The following C1QTNF5 variants were observed in gnomAD, a reference collection of about 807,000 sequenced individuals.
The protein encoded by C1QTNF5 is C1q and TNF related 5.
In C1QTNF5, 5 loss-of-function variants were observed where a neutral mutation model predicts 10.9. The ratio of observed to expected loss-of-function variants is 0.46; its 90% confidence interval spans 0.24 to 0.97. C1QTNF5 has a LOEUF of 0.97. C1QTNF5 is among the 50% of genes least tolerant of loss of function. The pLI is 0.19. For missense variants in C1QTNF5, 281 were observed against 339.4 expected, an observed-to-expected ratio of 0.83 and a Z score of 1.35; for synonymous variants, 161 against 156.5, an observed-to-expected ratio of 1.03 and a Z score of -0.22.
chr11:119,341,590 C>T, upstream of C1QTNF5: 2 of 1,612,904 alleles, frequency 1.2e-6, no homozygotes, highest in Non-Finnish European at 1.7e-6. Context: ...CCTCTGGCAG[C>T]CTGTTGCAGT....
upstream of C1QTNF5, among the ~76,000 whole-genome samples, chr11:119,343,219 T>C (rs535532278): frequency 1.1e-4 from 16 of 152,264 alleles, no homozygotes; most frequent in East Asian, 2.9e-3. Context: ...TGGGGAAAAA[T>C]CAGCGAAGCA....
chr11:119,340,148 A>G (rs1292969310), intron 2 of C1QTNF5, 36 bp downstream of exon 2: 3 of 1,503,410 alleles, frequency 2.0e-6, no homozygotes, highest in African/African-American at 1.5e-5. Context: ...GCCTGCTCGG[A>G]CATCGCCACC....
At chr11:119,344,538 G>A (rs1188050215), upstream of C1QTNF5, 139 of 1,602,636 alleles carry the variant, frequency 8.7e-5, no homozygotes, top group Non-Finnish European at 4.8e-5. Context: ...AAATGCTGAC[G>A]GAGGGCCCGG....
At chr11:119,341,776 C>T (rs372014001), upstream of C1QTNF5, 23 of 1,613,052 alleles carry the variant, frequency 1.4e-5, no homozygotes, top group East Asian at 2.0e-4. Context: ...TCAGGCTCTG[C>T]GGAGGGAGAG....
chr11:119,344,444 A>G, upstream of C1QTNF5: 2 of 1,577,588 alleles, frequency 1.3e-6, no homozygotes, highest in Non-Finnish European at 1.7e-6. Context: ...GCCTCCATCC[A>G]ATAGGGCTGG....
At chr11:119,346,347 G>A in the C1QTNF5 span, 1 of 1,614,064 alleles carries the variant, frequency 6.2e-7, no homozygotes. Flanking sequence ...CCAGACTCAG[G>A]CTCGAAGGCA....
upstream of C1QTNF5, chr11:119,343,727 G>A: frequency 1.3e-6 from 2 of 1,528,256 alleles, no homozygotes; most frequent in Non-Finnish European, 9.0e-7. Context: ...AATGAAGCTG[G>A]AGAATGGAAT....
At chr11:119,341,491 C>T, upstream of C1QTNF5, 1 of 1,453,178 alleles carries the variant, frequency 6.9e-7, no homozygotes, top group South Asian at 1.2e-5. Flanking sequence ...CCCCTGCGTG[C>T]CAGCCCTGAC....
upstream of C1QTNF5, chr11:119,341,933 T>G (rs769190278): frequency 1.9e-6 from 3 of 1,613,884 alleles, no homozygotes; most frequent in Non-Finnish European, 2.5e-6. Context: ...GGCTGTGGTG[T>G]TGTAGCTCAG....
chr11:119,345,441 T>C, upstream of C1QTNF5: 1 of 1,613,930 alleles, frequency 6.2e-7, no homozygotes, highest in Non-Finnish European at 8.5e-7. Context: ...GCCTTCAGGC[T>C]CAGGGGAGAG....
upstream of C1QTNF5, chr11:119,344,635 A>C: frequency 1.2e-6 from 2 of 1,614,048 alleles, no homozygotes; most frequent in Non-Finnish European, 8.5e-7. Context: ...CCCGTACCCG[A>C]GAACTTGGCA....
chr11:119,342,583 G>T, upstream of C1QTNF5: 1 of 1,612,812 alleles, frequency 6.2e-7, no homozygotes, highest in South Asian at 1.1e-5. Context: ...GTCCCCAGGG[G>T]CAGGCTTCTC....
At chr11:119,346,166 G>A in the C1QTNF5 span, 2 of 1,582,890 alleles carry the variant, frequency 1.3e-6, no homozygotes, top group African/African-American at 1.3e-5. Flanking sequence ...CGACCTGCGG[G>A]TTGGCAGGTG....
At chr11:119,344,988 G>A (rs1231533574), upstream of C1QTNF5, 9 of 1,606,002 alleles carry the variant, frequency 5.6e-6, no homozygotes, top group South Asian at 1.1e-5. Flanking sequence ...GTGGGGGGAG[G>A]CACCCTTCCA....
upstream of C1QTNF5, chr11:119,345,053 G>C (rs761845685): frequency 6.3e-7 from 1 of 1,581,808 alleles, no homozygotes; most frequent in African/African-American, 1.3e-5. Context: ...AGCAGGGTCA[G>C]CCAGAGAGGA....
In C1QTNF5 at chr11:119,340,809, G is replaced by GT. The variant is rs1950496126; in HGVS notation, c.-159dup. On this transcript the variant is annotated 5_prime_UTR_variant, in exon 1 of 3. Transcript: ENST00000528368. ...CCGGCCAGGCGCCCCCTGCCCTGCC[G>GT]TCACCCCAGTCCTGGTTCGCTCCCT... The GT allele has an allele frequency of 8.1e-6, 2 of 248,410 alleles. No homozygotes were observed. The highest frequency in any genetic ancestry group is 4.7e-5 in the African/African-American group (2 of 42,742). The allele number at this position is 248,410 out of a possible 1,614,324, so 15.4% of individuals were successfully genotyped here.
At chr11:119,344,381 C>A (rs777996384), upstream of C1QTNF5, 16 of 1,613,368 alleles carry the variant, frequency 9.9e-6, no homozygotes, top group South Asian at 1.1e-4. Context: ...CAGTCAGATT[C>A]CCCCCACACC....
chr11:119,344,488 C>A, upstream of C1QTNF5: 2 of 1,564,960 alleles, frequency 1.3e-6, no homozygotes, highest in Middle Eastern at 1.7e-4. Flanking sequence ...TGGCCATGCC[C>A]ATGGGAAACA....
upstream of C1QTNF5, chr11:119,345,854 T>G (rs1015222860): frequency 6.2e-7 from 1 of 1,611,908 alleles, no homozygotes; most frequent in African/African-American, 1.3e-5. Flanking sequence ...ATGGTGGGGG[T>G]GGTGGTGGTC....
Sources: gnomAD v4.1 joint callset for allele counts (sites outside exome capture counted in the v4.1 genomes callset) on GRCh38, gnomAD v4.1.1 for gene constraint, MANE v1.5 for transcripts, NCBI Gene and HGNC (gene_info 2026-07-23, HGNC 2026-07-21) for gene names.